Variants in CLGN observed in about 807,000 individuals in gnomAD.
The protein encoded by CLGN is testis tissue sperm-binding protein Li 79P.
CLGN carries 62 observed loss-of-function variants against 79.1 expected under a neutral mutation model. That is an observed-to-expected ratio of 0.78 (90% CI 0.64 to 0.97). The LOEUF is 0.97. Ranked by LOEUF, CLGN falls within the 50% of genes least tolerant of loss-of-function variation. CLGN has a pLI of 0.00. For synonymous variants in CLGN, 225 were observed against 224.7 expected (o/e 1.00, Z -0.01); for missense variants, 647 against 715.5 (o/e 0.90, Z 1.09).
chr4:140,392,156 G>A, intron 13 of CLGN, 63 bp downstream of exon 13: 9 of 1,532,386 alleles, frequency 5.9e-6, no homozygotes, highest in Non-Finnish European at 8.0e-6. Flanking sequence ...TTATTTCAAG[G>A]CCATATACAG....
chr4:140,416,106 G>C (rs1223812091), intron 1 of CLGN, among the ~76,000 whole-genome samples: 1 of 59,978 alleles, frequency 1.7e-5, no homozygotes, highest in East Asian at 3.8e-4. Context: ...TGACTACTGG[G>C]TACATAACGA....
chr4:140,398,731 TA>T, intron 8 of CLGN, 119 bp downstream of exon 8: 1 of 787,846 alleles, frequency 1.3e-6, no homozygotes, highest in Non-Finnish European at 2.0e-6. Context: ...CCCAAAATAC[TA>T]AAAATAAGTA....
intron 1 of CLGN, among the ~76,000 whole-genome samples, chr4:140,413,473 C>G (rs1729254781): frequency 6.6e-6 from 1 of 152,192 alleles, no homozygotes; most frequent in African/African-American, 2.4e-5. Flanking sequence ...GAGTGCCAGA[C>G]AGTGGGCGCA....
intron 7 of CLGN, among the ~76,000 whole-genome samples, chr4:140,399,886 A>T (rs1431031652): frequency 2.6e-5 from 4 of 152,230 alleles, no homozygotes; most frequent in African/African-American, 7.2e-5. Context: ...AAGGTAGGAC[A>T]TAACAATAAT....
At chr4:140,401,376 A>G (rs1005188849) in intron 6 of CLGN, among the ~76,000 whole-genome samples, 1 of 152,096 alleles carries the variant, frequency 6.6e-6, no homozygotes, top group African/African-American at 2.4e-5. Flanking sequence ...TCCCATCTAC[A>G]TTTCATAGCT....
Position 140,389,189 on chromosome 4 carries a change from A to G in CLGN, c.*35T>C, listed in dbSNP as rs768098567. The G allele has an allele frequency of 1.4e-5, 21 of 1,542,856 alleles. No individual in the cohort carries two copies. Among genetic ancestry groups the G allele is most frequent in the Middle Eastern group, 1.7e-4 (1 of 5,948 alleles). ...CATGCTGATTTTTACAATGCCAAAC[A>G]TCCCTCTCGGGAATTAAAAATATTT... On this transcript the variant is annotated 3_prime_UTR_variant, in exon 15 of 15. Coordinates refer to ENST00000325617, the MANE Select transcript of CLGN (RefSeq NM_004362.3).
intron 1 of CLGN, among the ~76,000 whole-genome samples, chr4:140,426,182 TTTA>T (rs1322195646): frequency 6.6e-6 from 1 of 152,172 alleles, no homozygotes; most frequent in Non-Finnish European, 1.5e-5. Context: ...AGTTTCTAGT[TTTA>T]TTATTAAAAA....
At chr4:140,418,530 A>C (rs1220429024) in intron 1 of CLGN, among the ~76,000 whole-genome samples, 1 of 147,392 alleles carries the variant, frequency 6.8e-6, no homozygotes, top group Non-Finnish European at 1.5e-5. Flanking sequence ...ACCCCATCAA[A>C]AAGTGGGCGA....
chr4:140,392,786 A>G (rs1392917833), intron 11 of CLGN, 75 bp from the exon 12 acceptor site: 10 of 1,377,752 alleles, frequency 7.3e-6, no homozygotes, highest in Non-Finnish European at 9.6e-6. Flanking sequence ...ATACAAAAAA[A>G]CTTATTTACT....
chr4:140,392,192 C>T (rs1728784969), intron 13 of CLGN, 27 bp downstream of exon 13: 2 of 1,607,510 alleles, frequency 1.2e-6, no homozygotes, highest in Non-Finnish European at 1.7e-6. Context: ...CCAGAGTCTC[C>T]ATTATAAATC....
intron 4 of CLGN, among the ~76,000 whole-genome samples, chr4:140,408,691 T>C (rs1384310646): frequency 6.6e-6 from 1 of 151,816 alleles, no homozygotes; most frequent in African/African-American, 2.4e-5. Context: ...ATGGATGTGG[T>C]AAAAAGGGAA....
chr4:140,410,666 C>T, intron 2 of CLGN, 40 bp from the exon 3 acceptor site: 1 of 1,212,132 alleles, frequency 8.2e-7, no homozygotes, highest in Non-Finnish European at 1.2e-6. Flanking sequence ...TATTCATTTT[C>T]ACAAATATTT....
intron 1 of CLGN, among the ~76,000 whole-genome samples, chr4:140,419,361 A>T (rs1354114791): frequency 6.6e-6 from 1 of 152,206 alleles, no homozygotes; most frequent in Admixed American, 6.5e-5. Context: ...AATAAAAAAA[A>T]AATCTAAAGA....
chr4:140,410,652 A>C, intron 2 of CLGN, 26 bp from the exon 3 acceptor site: 4 of 1,342,624 alleles, frequency 3.0e-6, no homozygotes, highest in Non-Finnish European at 4.2e-6. Flanking sequence ...TCCAAGTCTA[A>C]AGTTATTCAT....
intron 10 of CLGN, among the ~76,000 whole-genome samples, 193 bp from the exon 11 acceptor site, chr4:140,394,234 G>A (rs574363272): frequency 9.2e-5 from 14 of 152,172 alleles, no homozygotes; most frequent in South Asian, 2.1e-4. Flanking sequence ...TGTTCCCTAC[G>A]AGTGATACTA....
At chr4:140,417,518 T>C (rs1404190301) in intron 1 of CLGN, among the ~76,000 whole-genome samples, 165 of 129,498 alleles carry the variant, frequency 1.3e-3, no homozygotes, top group African/African-American at 4.7e-3. Flanking sequence ...GGATACAAAA[T>C]CAATGTACAA....
intron 10 of CLGN, among the ~76,000 whole-genome samples, chr4:140,394,627 A>T (rs925483929): frequency 6.6e-6 from 1 of 152,222 alleles, no homozygotes; most frequent in Non-Finnish European, 1.5e-5. Flanking sequence ...TGATGGAGAC[A>T]TACATGGTTC....
At chr4:140,405,040 A>G (rs930376503) in intron 5 of CLGN, among the ~76,000 whole-genome samples, 2 of 152,072 alleles carry the variant, frequency 1.3e-5, no homozygotes, top group African/African-American at 2.4e-5. Flanking sequence ...TGCTTGAAAG[A>G]CACTGGTATT....
chr4:140,409,939 A>G, intron 3 of CLGN, 44 bp from the exon 4 acceptor site: 1 of 1,372,736 alleles, frequency 7.3e-7, no homozygotes, highest in Non-Finnish European at 1.0e-6. Context: ...TGACAATAAA[A>G]GCAGCAATTT....
Sources: gnomAD v4.1 joint callset for allele counts (sites outside exome capture counted in the v4.1 genomes callset) on GRCh38, gnomAD v4.1.1 for gene constraint, MANE v1.5 for transcripts, NCBI Gene and HGNC (gene_info 2026-07-23, HGNC 2026-07-21) for gene names.